The following PRAG1 variants were observed in gnomAD, a reference collection of about 807,000 sequenced individuals.
PRAG1 encodes the protein inactive tyrosine-protein kinase PRAG1.
In PRAG1, 110 loss-of-function variants were observed where a neutral mutation model predicts 95.6. The observed-to-expected ratio is 1.15, with a 90% CI of 0.99 to 1.35. The LOEUF (loss-of-function observed/expected upper bound fraction) is 1.35. Among genes scored for constraint, PRAG1 ranks in the 40% most tolerant of loss-of-function variants. The probability of loss-of-function intolerance (pLI) is 0.00; values close to 1 mark genes in which losing one functional copy is unlikely to be tolerated. For missense variants in PRAG1, 2,554 were observed against 1,864.7 expected (o/e 1.37, Z -6.81); for synonymous variants, 1,052 against 819.4 (o/e 1.28, Z -4.85).
chr8:8,370,970 C>G (rs1051104141), intron 3 of PRAG1, among the ~76,000 whole-genome samples: 1 of 152,016 alleles, frequency 6.6e-6, no homozygotes, highest in Non-Finnish European at 1.5e-5. Flanking sequence ...GAAACCCCAT[C>G]TCTACTAAAA....
chr8:8,337,482 G>A (rs2976840), intron 4 of PRAG1, among the ~76,000 whole-genome samples: 49,676 of 151,912 alleles, frequency 0.33, 8,664 homozygotes, highest in African/African-American at 0.46. Flanking sequence ...GAGAGAGAGA[G>A]AGAGAAAGAG....
At chr8:8,340,983 T>C (rs947439408) in intron 3 of PRAG1, among the ~76,000 whole-genome samples, 2 of 152,196 alleles carry the variant, frequency 1.3e-5, no homozygotes, top group African/African-American at 4.8e-5. Flanking sequence ...CCTGGCAAAA[T>C]AAAATCAGAC....
intron 5 of PRAG1, 61 bp downstream of exon 5, chr8:8,327,649 T>C: frequency 6.4e-7 from 1 of 1,552,028 alleles, no homozygotes; most frequent in South Asian, 1.2e-5. Flanking sequence ...CAGGCCACAG[T>C]TCTGCCCAAG....
rs778245704 is a variant in PRAG1, at chr8:8,376,496, C to G, written c.1913G>C (p.Arg638Pro). 1.2e-6 allele frequency: 2 copies of G among 1,612,236 alleles called. No homozygotes were observed. Among genetic ancestry groups the G allele is most frequent in the South Asian group, 1.1e-5 (1 of 90,868 alleles). Reference protein sequence around the residue: ...FQAGTWSRQCRIEEEEEVEQE... With the variant: ...FQAGTWSRQCPIEEEEEVEQE... ...CTCCACCTCCTCTTCTTCCTCTATC[C>G]GGCACTGACGACTCCAGGTGCCTGC... The change falls in exon 3 of 6, where the codon CGG becomes CCG. Residue 638 changes from arginine to proline, a missense_variant. Physicochemically the swap from Arg to Pro is moderately radical, Grantham distance 103. Transcript: ENST00000615670.
Position 8,347,916 on chromosome 8 carries a change from G to A in PRAG1, c.2163-8281C>T, listed in dbSNP as rs545562004. On this transcript the variant is annotated intron_variant, in intron 3 of 5. Coordinates refer to ENST00000615670, the MANE Select transcript of PRAG1 (RefSeq NM_001080826.3). ...ACTACAACCTCTGTCACCCAGGCTG[G>A]AGTGCAGCGGCATGATCTCAGCTCA... 4.0e-4 allele frequency among the ~76,000 whole-genome samples: 60 copies of A among 151,678 alleles called. 1 individual carries two copies. In the South Asian group the frequency reaches 5.0e-3, roughly 13 times the overall value.
rs187206430 is a variant in PRAG1, at chr8:8,318,555, G to A, written c.3820C>T (p.Arg1274Cys). The A allele has an allele frequency of 3.1e-6, 5 of 1,613,458 alleles. No homozygotes were observed. The highest frequency in any genetic ancestry group is 3.4e-6 in the Non-Finnish European group (4 of 1,179,942). ...TAGTCTCTCTCCCGCAGCTGGGCGC[G>A]CACCTCGAACGGGTTGGGTTGGTGC... Reference protein sequence around the residue: ...LLHQPNPFEVRAQLRERDYRQ... With the variant: ...LLHQPNPFEVCAQLRERDYRQ... The change falls in exon 6 of 6, where the codon CGC becomes TGC. Residue 1274 changes from arginine to cysteine, a missense_variant. Transcript: ENST00000615670. This position sits in a 1 kb window ranked among gnomAD's most constrained non-coding sequence, Gnocchi z 4.2.
In PRAG1 at chr8:8,381,448, T is replaced by G; in HGVS notation, c.300A>C (p.Thr100=). The change falls in exon 2 of 6, where the codon ACA becomes ACC. Residue 100 remains threonine, a synonymous_variant. Transcript: ENST00000615670. ...AGACTTCGGCACTCAGGTTGGCCTCTGTCCACACATCAGAGGCCTCGGAGC... is the reference window on the plus strand; with the variant it reads ...AGACTTCGGCACTCAGGTTGGCCTCGGTCCACACATCAGAGGCCTCGGAGC... The part of the protein sequence containing the change: ...MMSSEASDVW[T]EANLSAEVSQ... 1.9e-6 allele frequency: 3 copies of G among 1,612,464 alleles called. No homozygotes were observed. In the Admixed American group the frequency reaches 5.0e-5, roughly 27 times the overall value.
In PRAG1 at chr8:8,318,567, G is replaced by C. The variant is rs1433111602; in HGVS notation, c.3808C>G (p.Pro1270Ala). The C allele has an allele frequency of 6.2e-7, 1 of 1,613,758 alleles. No homozygotes were observed. Among genetic ancestry groups the C allele is most frequent in the Admixed American group, 1.7e-5 (1 of 60,026 alleles). ...LIYELLHQPN[P>A]FEVRAQLRER... ...CGCAGCTGGGCGCGCACCTCGAACG[G>C]GTTGGGTTGGTGCAGCAGCTCGTAG... The change falls in exon 6 of 6, where the codon CCG becomes GCG. Residue 1270 changes from proline (P) to alanine (A), a missense_variant. Pro to Ala is a conservative substitution (Grantham distance 27). Transcript: ENST00000615670. This position sits in a 1 kb window ranked among gnomAD's most constrained non-coding sequence, Gnocchi z 4.2.
intron 1 of PRAG1, among the ~76,000 whole-genome samples, chr8:8,385,794 C>A (rs550262275): frequency 6.6e-6 from 1 of 152,162 alleles, no homozygotes; most frequent in African/African-American, 2.4e-5. Flanking sequence ...TCACAGCATG[C>A]GTTTCAGAGG....
chr8:8,318,714 T>C lies in PRAG1; in HGVS notation c.3661A>G (p.Lys1221Glu). ...RLIISNFLKA[K>E]QKPGGTPNLQ... ...TTTGGGGTGCCGCCCGGCTTCTGCTTGGCCTTCAAAAAGTTGCTGATGATG... is the reference window on the plus strand; with the variant it reads ...TTTGGGGTGCCGCCCGGCTTCTGCTCGGCCTTCAAAAAGTTGCTGATGATG... Residue 1221 changes from lysine (K) to glutamate (E), a missense_variant, in exon 6 of 6, where the codon AAG (lysine) becomes GAG (glutamate). Lys to Glu is a moderately conservative substitution (Grantham distance 56). Coordinates refer to ENST00000615670, the MANE Select transcript of PRAG1 (RefSeq NM_001080826.3). The surrounding 1 kb of genome is among the most constrained non-coding windows in gnomAD (Gnocchi z 4.2). The C allele has an allele frequency of 6.2e-7, 1 of 1,609,612 alleles. No individual in the cohort carries two copies. Among genetic ancestry groups the C allele is most frequent in the Non-Finnish European group, 8.5e-7 (1 of 1,178,748 alleles).
In PRAG1 at chr8:8,327,885, A is replaced by G. The variant is rs1563228082; in HGVS notation, c.2897T>C (p.Leu966Pro). 6.2e-7 allele frequency: 1 copy of G among 1,614,206 alleles called. No individual in the cohort carries two copies. The highest frequency in any genetic ancestry group is 2.2e-5 in the East Asian group (1 of 44,874). The change falls in exon 5 of 6, where the codon CTT becomes CCT. Residue 966 changes from leucine to proline, a missense_variant. By Grantham distance (98) the Leu-to-Pro change is moderately conservative. Transcript: ENST00000615670. ...GGLYTQSLAR[L>P]VAKCEDLFMG... Reference sequence around the variant, plus strand: ...GAAGAGGTCCTCACATTTGGCTACAAGGCGGGCCAGGGACTGGGTGTAGAG... The same window carrying G: ...GAAGAGGTCCTCACATTTGGCTACAGGGCGGGCCAGGGACTGGGTGTAGAG...
chr8:8,343,804 T>C (rs1040155794), intron 3 of PRAG1, among the ~76,000 whole-genome samples: 1 of 152,208 alleles, frequency 6.6e-6, no homozygotes, highest in African/African-American at 2.4e-5. Flanking sequence ...CAAAAACAGA[T>C]GTCTTGCATG....
chr8:8,377,258 C>T lies in PRAG1; in HGVS notation c.1151G>A (p.Gly384Glu), dbSNP rs1800443840. ...PEKQQDPGCP[G>E]VTPSRCLGLT... ...CCCAAGGCATCTGCTAGGGGTCACC[C>T]CTGGGCAGCCAGGGTCCTGCTGCTT... Residue 384 changes from glycine (G) to glutamate (E), a missense_variant, in exon 3 of 6, where the codon GGG (glycine) becomes GAG (glutamate). Physicochemically the swap from Gly to Glu is moderately conservative, Grantham distance 98. Coordinates refer to ENST00000615670, the MANE Select transcript of PRAG1 (RefSeq NM_001080826.3). The T allele has an allele frequency of 6.2e-7, 1 of 1,612,742 alleles. No homozygotes were observed. The highest frequency in any genetic ancestry group is 1.7e-5 in the Admixed American group (1 of 59,984).
chr8:8,345,243 A>G (rs1401002201), intron 3 of PRAG1, among the ~76,000 whole-genome samples: 2 of 151,834 alleles, frequency 1.3e-5, no homozygotes, highest in Admixed American at 6.6e-5. Flanking sequence ...CTAAAACCCA[A>G]CAGGTGACCA....
intron 2 of PRAG1, among the ~76,000 whole-genome samples, chr8:8,378,521 T>G (rs576445533): frequency 6.6e-6 from 1 of 152,138 alleles, no homozygotes; most frequent in Non-Finnish European, 1.5e-5. Flanking sequence ...CCAATCACAG[T>G]GCATGCCTGA....
At chr8:8,345,090 T>TGC (rs1799291389) in intron 3 of PRAG1, among the ~76,000 whole-genome samples, 2 of 132,548 alleles carry the variant, frequency 1.5e-5, no homozygotes, top group African/African-American at 5.8e-5. Flanking sequence ...TGTGTGTGTG[T>TGC]GTTAGGGAGG....
intron 3 of PRAG1, among the ~76,000 whole-genome samples, chr8:8,364,111 T>G (rs1191730116): frequency 6.6e-6 from 1 of 152,236 alleles, no homozygotes; most frequent in Non-Finnish European, 1.5e-5. Flanking sequence ...ATGAAGGTTG[T>G]GGGGACAAGA....
chr8:8,365,173 T>C (rs1257354034), intron 3 of PRAG1, among the ~76,000 whole-genome samples: 1 of 152,218 alleles, frequency 6.6e-6, no homozygotes, highest in African/African-American at 2.4e-5. Flanking sequence ...TCAGAAAAAC[T>C]ATAAGTAGTA....
chr8:8,318,542 C>G lies in PRAG1; in HGVS notation c.3833G>C (p.Arg1278Pro). The G allele has an allele frequency of 6.2e-7, 1 of 1,613,482 alleles. No individual in the cohort carries two copies. The highest frequency in any genetic ancestry group is 8.5e-7 in the Non-Finnish European group (1 of 1,179,936). Reference protein sequence around the residue: ...PNPFEVRAQLRERDYRQEDLP... With the variant: ...PNPFEVRAQLPERDYRQEDLP... The stretch of plus-strand genomic sequence containing the variant: ...GTCCTCCTGCCGGTAGTCTCTCTCC[C>G]GCAGCTGGGCGCGCACCTCGAACGG... The change falls in exon 6 of 6, where the codon CGG becomes CCG. Residue 1278 changes from arginine to proline, a missense_variant. Transcript: ENST00000615670. The surrounding 1 kb of genome is among the most constrained non-coding windows in gnomAD (Gnocchi z 4.2).
Sources: allele counts gnomAD v4.1 joint callset (sites outside exome capture counted in the v4.1 genomes callset), GRCh38; gene constraint gnomAD v4.1.1; non-coding constraint Gnocchi (gnomAD v3.1); transcripts MANE v1.5; gene names NCBI Gene and HGNC (gene_info 2026-07-23, HGNC 2026-07-21).